The following CDH20 variants were observed in gnomAD, a reference collection of about 807,000 sequenced individuals.
CDH20 encodes the protein cadherin 20, also known as cadherin-20.
Under a neutral mutation model 74.2 loss-of-function variants are expected in CDH20, and 29 were observed. That is an observed-to-expected ratio of 0.39 (90% confidence interval 0.29 to 0.53). The LOEUF (loss-of-function observed/expected upper bound fraction) is 0.53, where lower values mean the gene tolerates loss of function less well. CDH20 is among the 20% of genes least tolerant of loss of function. CDH20 has a pLI of 0.69. For synonymous variants in CDH20, 469 were observed against 405.4 expected, an observed-to-expected ratio of 1.16 and a Z score of -1.88; for missense variants, 988 against 1,048.3, an observed-to-expected ratio of 0.94 and a Z score of 0.79.
intron 6 of CDH20, among the ~76,000 whole-genome samples, chr18:61,526,121 CTTTTTTT>C (rs765492185): frequency 4.4e-5 from 4 of 90,210 alleles, no homozygotes; most frequent in East Asian, 3.0e-4. Context: ...AAAAAGTTGA[CTTTTTTT>C]TTTTTTTTTT....
At chr18:61,551,353 C>T (rs1913424469) in intron 11 of CDH20, among the ~76,000 whole-genome samples, 1 of 152,092 alleles carries the variant, frequency 6.6e-6, no homozygotes, top group South Asian at 2.1e-4. Flanking sequence ...AGGGAAAAAG[C>T]CCTGAGGATT....
chr18:61,545,719 C>A (rs1460213595), intron 10 of CDH20, among the ~76,000 whole-genome samples: 5 of 152,154 alleles, frequency 3.3e-5, no homozygotes, highest in Non-Finnish European at 7.3e-5. Flanking sequence ...GTAAAAAGCT[C>A]TCCAAACAAT....
At position 61,399,494 on chromosome 18, in the gene CDH20, C is replaced by T. The variant is rs114509068; in HGVS notation, c.-153+65667C>T. 5.2e-3 allele frequency among the ~76,000 whole-genome samples: 797 copies of T among 152,150 alleles called. 5 individuals carry two copies. Among genetic ancestry groups the T allele is most frequent in the African/African-American group, 0.018 (746 of 41,510 alleles). On this transcript the variant is annotated intron_variant, in intron 1 of 11. Coordinates refer to ENST00000262717, the MANE Select transcript of CDH20 (RefSeq NM_031891.4). Reference sequence around the variant, plus strand: ...CATTTTATACATTTCTTCTCCAGCCCGAAATCCCATCATGTTTTGTTCAGC... The same window carrying T: ...CATTTTATACATTTCTTCTCCAGCCTGAAATCCCATCATGTTTTGTTCAGC...
At chr18:61,538,912 G>T in intron 8 of CDH20, 112 bp from the exon 9 acceptor site, 5 of 1,214,672 alleles carry the variant, frequency 4.1e-6, no homozygotes, top group Non-Finnish European at 5.9e-6. Context: ...GATTACAGGC[G>T]TGAGCCACTG....
At chr18:61,342,241 CA>C (rs1257245154) in intron 1 of CDH20, among the ~76,000 whole-genome samples, 2 of 152,018 alleles carry the variant, frequency 1.3e-5, no homozygotes, top group Non-Finnish European at 2.9e-5. Context: ...ATTGACAGAG[CA>C]AAAAAATAAA....
At chr18:61,504,622 C>T (rs1166255560) in intron 5 of CDH20, among the ~76,000 whole-genome samples, 1 of 151,956 alleles carries the variant, frequency 6.6e-6, no homozygotes, top group Non-Finnish European at 1.5e-5. Flanking sequence ...AAGCAGATGC[C>T]TGAAGGAAGC....
In CDH20 at chr18:61,353,061, C is replaced by T. The variant is rs1405306124; in HGVS notation, c.-153+19234C>T. ...TTCTCTAGCAACCTTCACATGCTGT[C>T]CATAGCTTCTATTTTATGGCTACCC... On this transcript the variant is annotated intron_variant, in intron 1 of 11. Transcript: ENST00000262717. The surrounding 1 kb of genome is among the most constrained non-coding windows in gnomAD (Gnocchi z 4.6). Among the ~76,000 whole-genome samples, 1 of 152,194 alleles carries T rather than the reference C, an allele frequency of 6.6e-6. No homozygotes were observed. The highest frequency in any genetic ancestry group is 1.5e-5 in the Non-Finnish European group (1 of 68,040).
chr18:61,377,752 C>T lies in CDH20; in HGVS notation c.-153+43925C>T, dbSNP rs151232429. ...TTCTATCATGGGTTTCTTAATATTA[C>T]GATATATCTGTTTTTTACATTGTGG... is the stretch of plus-strand genomic sequence containing the variant. On this transcript the variant is annotated intron_variant, in intron 1 of 11. Coordinates refer to ENST00000262717, the MANE Select transcript of CDH20 (RefSeq NM_031891.4). Among the ~76,000 whole-genome samples the T allele has an allele frequency of 1.0e-3, 155 of 151,922 alleles. 5 individuals carry two copies. In the East Asian group the frequency reaches 0.028, roughly 27 times the overall value.
chr18:61,538,733 C>T (rs1912921497), intron 8 of CDH20, among the ~76,000 whole-genome samples: 1 of 151,138 alleles, frequency 6.6e-6, no homozygotes, highest in Non-Finnish European at 1.5e-5. Context: ...ATTCTCCTGC[C>T]TCAGTCTCCC....
In CDH20 at chr18:61,499,455, C is replaced by T; in HGVS notation, c.516C>T (p.Ala172=). ...EPKFLDGPYV[A]TVPEMSPVGT... is the part of the protein sequence containing the mutation. ...AGTTCCTGGACGGACCTTATGTGGCCACTGTGCCAGAAATGTCCCCTGTGG... is the reference window on the plus strand; with the variant it reads ...AGTTCCTGGACGGACCTTATGTGGCTACTGTGCCAGAAATGTCCCCTGTGG... Residue 172 remains alanine, a synonymous_variant, in exon 3 of 12, where the codon GCC becomes GCT. Transcript: ENST00000262717. 6.2e-7 allele frequency: 1 copy of T among 1,609,286 alleles called. No individual in the cohort carries two copies. The highest frequency in any genetic ancestry group is 8.5e-7 in the Non-Finnish European group (1 of 1,177,358).
chr18:61,362,849 A>G (rs1910744742), intron 1 of CDH20, among the ~76,000 whole-genome samples: 1 of 152,142 alleles, frequency 6.6e-6, no homozygotes, highest in Non-Finnish European at 1.5e-5. Context: ...TATATTACAT[A>G]TATACATGTT....
chr18:61,501,167 C>T (rs972873973), intron 4 of CDH20, among the ~76,000 whole-genome samples: 1 of 152,102 alleles, frequency 6.6e-6, no homozygotes, highest in Non-Finnish European at 1.5e-5. Flanking sequence ...ACAGGGAGGA[C>T]ATCAGAGAGA....
intron 1 of CDH20, among the ~76,000 whole-genome samples, chr18:61,416,670 C>T (rs1322850224): frequency 1.3e-5 from 2 of 152,200 alleles, no homozygotes; most frequent in South Asian, 2.1e-4. Flanking sequence ...CCAGGTGTCA[C>T]CAATGGCATT....
intron 1 of CDH20, among the ~76,000 whole-genome samples, chr18:61,398,909 A>T (rs1912072092): frequency 6.6e-6 from 1 of 152,168 alleles, no homozygotes; most frequent in Admixed American, 6.5e-5. Context: ...TGGCCAGCAC[A>T]AGTCTGCCAG....
At chr18:61,443,025 C>T (rs1385460569) in intron 1 of CDH20, among the ~76,000 whole-genome samples, 2 of 152,134 alleles carry the variant, frequency 1.3e-5, no homozygotes, top group Non-Finnish European at 2.9e-5. Flanking sequence ...GCAGCTTCCA[C>T]ACGATAAGTT....
At chr18:61,470,973 G>A (rs768441050) in intron 1 of CDH20, among the ~76,000 whole-genome samples, 1 of 151,620 alleles carries the variant, frequency 6.6e-6, no homozygotes, top group South Asian at 2.1e-4. Context: ...CCACCAAGAC[G>A]CATTCTAAAG....
chr18:61,507,229 T>C, intron 5 of CDH20, 144 bp from the exon 6 acceptor site: 1 of 705,314 alleles, frequency 1.4e-6, no homozygotes, highest in Non-Finnish European at 2.4e-6. Flanking sequence ...TTCTGGACCT[T>C]AGTTTTTATC....
chr18:61,488,322 C>G (rs1910839257), intron 1 of CDH20, among the ~76,000 whole-genome samples: 1 of 152,086 alleles, frequency 6.6e-6, no homozygotes, highest in Non-Finnish European at 1.5e-5. Flanking sequence ...ATATTATAAG[C>G]CCTTTCAGAA....
intron 9 of CDH20, among the ~76,000 whole-genome samples, chr18:61,541,714 G>A (rs1012661236): frequency 3.3e-5 from 5 of 152,112 alleles, no homozygotes; most frequent in African/African-American, 4.8e-5. Context: ...ATAAAGTATC[G>A]GGCCTCCTTG....
Sources: gnomAD v4.1 joint callset for allele counts (sites outside exome capture counted in the v4.1 genomes callset) on GRCh38, gnomAD v4.1.1 for gene constraint, Gnocchi (gnomAD v3.1) non-coding constraint, MANE v1.5 for transcripts, NCBI Gene and HGNC (gene_info 2026-07-23, HGNC 2026-07-21) for gene names.